Variants in FBXO42 observed in about 807,000 individuals in gnomAD.
FBXO42 encodes the protein F-box only protein 42.
A neutral mutation model predicts 71.7 loss-of-function variants in FBXO42; 12 were observed. That is an observed-to-expected ratio of 0.17 (90% CI 0.11 to 0.27). The LOEUF (loss-of-function observed/expected upper bound fraction) is 0.27, where lower values mean the gene tolerates loss of function less well. FBXO42 is among the 10% of genes least tolerant of loss of function. The pLI, the probability that FBXO42 is intolerant of heterozygous loss-of-function variation, is 1.00. For synonymous variants in FBXO42, 325 were observed against 327.5 expected, an observed-to-expected ratio of 0.99 and a Z score of 0.08; for missense variants, 707 against 911.9, an observed-to-expected ratio of 0.78 and a Z score of 2.89.
chr1:16,315,070 A>T lies in FBXO42; in HGVS notation c.250+99T>A, dbSNP rs190667005. ...TCGTCTAATGCTAGATTTTATAACC[A>T]TAATACATTTAAGGGAGGAAAAAAA... On this transcript the variant is annotated intron_variant, in intron 2 of 9. Transcript: ENST00000375592. The T allele has an allele frequency of 4.9e-5, 65 of 1,320,366 alleles. No homozygotes were observed. In the East Asian group the frequency reaches 1.5e-3, roughly 31 times the overall value. The allele number at this position is 1,320,366 out of a possible 1,614,324, so 81.8% of individuals were successfully genotyped here.
chr1:16,247,598 T>C lies in FBXO42; in HGVS notation c.*3072A>G, dbSNP rs558920240. The C allele has an allele frequency of 6.6e-6, 1 of 152,218 alleles. No homozygotes were observed. The highest frequency in any genetic ancestry group is 1.5e-5 in the Non-Finnish European group (1 of 68,036). The allele number at this position is 152,218 out of a possible 1,614,324, so 9.4% of individuals were successfully genotyped here. A position where few individuals can be genotyped will look rare whatever the true frequency, so the allele number is the denominator to read the frequency against. ...AAGAGTTCCAACACAGTTCCTAGAA[T>C]AGTTCATGGTTTTCAGCTGTTGCTG... On this transcript the variant is annotated 3_prime_UTR_variant, in exon 10 of 10. Coordinates refer to ENST00000375592, the MANE Select transcript of FBXO42 (RefSeq NM_018994.3).
Position 16,338,137 on chromosome 1 carries a change from T to G in FBXO42, c.-18+14118A>C, listed in dbSNP as rs1371224073. Among the ~76,000 whole-genome samples the G allele has an allele frequency of 4.0e-5, 6 of 151,412 alleles. 1 individual carries two copies. Among genetic ancestry groups the G allele is most frequent in the African/African-American group, 1.5e-4 (6 of 41,374 alleles). Reference sequence around the variant, plus strand: ...AGCCAGGTGTGGTGGCAGGCGCCTGTAGTCCCAGCTACTCGGGAGGCTGAG... The same window carrying G: ...AGCCAGGTGTGGTGGCAGGCGCCTGGAGTCCCAGCTACTCGGGAGGCTGAG... On this transcript the variant is annotated intron_variant, in intron 1 of 9. Coordinates refer to ENST00000375592, the MANE Select transcript of FBXO42 (RefSeq NM_018994.3).
intron 2 of FBXO42, among the ~76,000 whole-genome samples, chr1:16,312,662 A>G (rs1294085059): frequency 1.3e-5 from 2 of 152,122 alleles, no homozygotes; most frequent in African/African-American, 4.8e-5. Context: ...TAAACTATGG[A>G]ATTTGGGTTT....
chr1:16,333,887 C>A (rs538132547), intron 1 of FBXO42, among the ~76,000 whole-genome samples: 1 of 152,046 alleles, frequency 6.6e-6, no homozygotes, highest in Admixed American at 6.6e-5. Flanking sequence ...GGGATGGAAT[C>A]CAGAAAACTA....
chr1:16,273,601 C>T lies in FBXO42; in HGVS notation c.503-16842G>A, dbSNP rs368202951. Among the ~76,000 whole-genome samples the T allele has an allele frequency of 2.5e-4, 38 of 151,766 alleles. No individual in the cohort carries two copies. The East Asian group carries it at 7.1e-3, about 29-fold the overall frequency. On this transcript the variant is annotated intron_variant, in intron 4 of 9. Coordinates refer to ENST00000375592, the MANE Select transcript of FBXO42 (RefSeq NM_018994.3). ...AACTTAAAAAAAAAAAAAATGAGGGCCGGGCATGGTGGCTTATGCCTGTAA... is the reference window on the plus strand; with the variant it reads ...AACTTAAAAAAAAAAAAAATGAGGGTCGGGCATGGTGGCTTATGCCTGTAA...
chr1:16,288,446 AAATAAAAAT>A (rs1387376666), intron 4 of FBXO42, among the ~76,000 whole-genome samples: 9 of 143,870 alleles, frequency 6.3e-5, no homozygotes, highest in African/African-American at 1.1e-4. Flanking sequence ...ATAAAAATAA[AAATAAAAAT>A]AATAATAATA....
intron 4 of FBXO42, among the ~76,000 whole-genome samples, chr1:16,260,840 C>T (rs1240487515): frequency 1.3e-5 from 2 of 152,196 alleles, no homozygotes; most frequent in African/African-American, 4.8e-5. Context: ...GCTAGGACTA[C>T]AGTCACAGGC....
chr1:16,308,467 C>G (rs547504391), intron 2 of FBXO42, among the ~76,000 whole-genome samples: 1 of 150,848 alleles, frequency 6.6e-6, no homozygotes, highest in East Asian at 1.9e-4. Context: ...GAATTTCAGC[C>G]TGGGAAACAC....
At chr1:16,271,258 G>GGTGTGTGTGTGT (rs57827739) in intron 4 of FBXO42, among the ~76,000 whole-genome samples, 231 of 137,500 alleles carry the variant, frequency 1.7e-3, no homozygotes, top group South Asian at 2.0e-3. Context: ...TGTGTGTGTT[G>GGTGTGTGTGTGT]GTGTGTGTGT....
chr1:16,315,160 C>T lies in FBXO42; in HGVS notation c.250+9G>A. ...ATCAATAAATAAACCTTTCTCCTAT[C>T]CACAGTACCTTTGATAAGTCGATAC... On this transcript the variant is annotated intron_variant, in intron 2 of 9. Coordinates refer to ENST00000375592, the MANE Select transcript of FBXO42 (RefSeq NM_018994.3). 6.2e-7 allele frequency: 1 copy of T among 1,603,350 alleles called. No individual in the cohort carries two copies. The highest frequency in any genetic ancestry group is 1.3e-5 in the African/African-American group (1 of 74,790).
At chr1:16,349,714 T>G (rs1328844150) in intron 1 of FBXO42, among the ~76,000 whole-genome samples, 1 of 151,950 alleles carries the variant, frequency 6.6e-6, no homozygotes, top group Non-Finnish European at 1.5e-5. Context: ...TACAAAAAAT[T>G]AGCTGGGCAT....
chr1:16,259,003 G>T (rs2081680656), intron 4 of FBXO42, among the ~76,000 whole-genome samples: 2 of 152,158 alleles, frequency 1.3e-5, no homozygotes, highest in Admixed American at 6.5e-5. Context: ...GCCTCCCAAA[G>T]TGCTGGGATT....
Position 16,319,701 on chromosome 1 carries a change from G to A in FBXO42, c.-17-4266C>T, listed in dbSNP as rs528601498. Among the ~76,000 whole-genome samples, 37 of 151,842 alleles carry A rather than the reference G, an allele frequency of 2.4e-4. No homozygotes were observed. In the South Asian group the frequency reaches 5.8e-3, roughly 24 times the overall value. On this transcript the variant is annotated intron_variant, in intron 1 of 9. Coordinates refer to ENST00000375592, the MANE Select transcript of FBXO42 (RefSeq NM_018994.3). The stretch of plus-strand genomic sequence containing the variant: ...GCTTAGGCAGGCGGATCACGAGCTC[G>A]GGAGTTCGAGACCAGCCTGGCCAAT...
chr1:16,311,393 C>T lies in FBXO42; in HGVS notation c.250+3776G>A, dbSNP rs141526675. Among the ~76,000 whole-genome samples the T allele has an allele frequency of 3.6e-3, 537 of 148,952 alleles. 3 individuals are homozygous for T. The highest frequency in any genetic ancestry group is 0.012 in the African/African-American group (505 of 40,478). ...GTCCCAGCCACTTGGGAGGCTGAGG[C>T]GAGAGGATTGCTTGAGTCCAGGAAG... is the stretch of plus-strand genomic sequence containing the variant. On this transcript the variant is annotated intron_variant, in intron 2 of 9. Coordinates refer to ENST00000375592, the MANE Select transcript of FBXO42 (RefSeq NM_018994.3).
rs6693451 is a variant in FBXO42 at position 16,247,887 on chromosome 1, A to C, written c.*2783T>G. On this transcript the variant is annotated 3_prime_UTR_variant, in exon 10 of 10. Transcript: ENST00000375592. Reference sequence around the variant, plus strand: ...GGGTAGGGAGAGACTAAAATTCTTAAGTAAGATGGACAAGGTGACCAGTGA... The same window carrying C: ...GGGTAGGGAGAGACTAAAATTCTTACGTAAGATGGACAAGGTGACCAGTGA... 53,793 of 151,996 alleles carry C rather than the reference A, an allele frequency of 0.35. 10,025 individuals carry two copies. The highest frequency in any genetic ancestry group is 0.42 in the African/African-American group (17,537 of 41,402). 9.4% of individuals were successfully genotyped at this position (151,996 alleles called of 1,614,324 possible).
At chr1:16,303,594 T>C (rs1200158192) in intron 3 of FBXO42, among the ~76,000 whole-genome samples, 1 of 150,066 alleles carries the variant, frequency 6.7e-6, no homozygotes, top group Non-Finnish European at 1.5e-5. Flanking sequence ...TGAGACAGAG[T>C]TTCGCTCTTG....
At position 16,251,685 on chromosome 1, in the gene FBXO42, G is replaced by A; in HGVS notation, c.1139C>T (p.Pro380Leu). 1 of 1,614,222 alleles carries A rather than the reference G, an allele frequency of 6.2e-7. No individual in the cohort carries two copies. The highest frequency in any genetic ancestry group is 8.5e-7 in the Non-Finnish European group (1 of 1,180,046). The change falls in exon 10 of 10, where the codon CCA (proline) becomes CTA (leucine). Residue 380 changes from proline to leucine, a missense_variant. This residue lies in a region of FBXO42 where 482 missense variants were observed against 587.1 expected (regional missense o/e 0.82). Transcript: ENST00000375592. The surrounding 1 kb of genome is among the most constrained non-coding windows in gnomAD (Gnocchi z 4.5). Reference sequence around the variant, plus strand: ...CTCTCGGGTTTCAGGAACGAGAGCTGGAGGAGTGGCACTGATAGGTGATGG... The same window carrying A: ...CTCTCGGGTTTCAGGAACGAGAGCTAGAGGAGTGGCACTGATAGGTGATGG... ...SRPSPISATP[P>L]ALVPETREYR...
At position 16,305,923 on chromosome 1, in the gene FBXO42, A is replaced by C. The variant is rs2082245428; in HGVS notation, c.251-4T>G. 6.2e-7 allele frequency: 1 copy of C among 1,601,004 alleles called. No homozygotes were observed. Among genetic ancestry groups the C allele is most frequent in the Admixed American group, 1.7e-5 (1 of 59,982 alleles). On this transcript the variant is annotated splice_region_variant and splice_polypyrimidine_tract_variant and intron_variant, in intron 2 of 9. Coordinates refer to ENST00000375592, the MANE Select transcript of FBXO42 (RefSeq NM_018994.3). ...TGATAACACTGATGGGCTACACCTA[A>C]GACAGAAAGAGCAAACCCTTCAGTC... is the stretch of plus-strand genomic sequence containing the variant.
rs1469561408 is a variant in FBXO42, at chr1:16,253,357, G to A, written c.865-205C>T. 4 of 600,682 alleles carry A rather than the reference G, an allele frequency of 6.7e-6. No homozygotes were observed. The Admixed American group carries it at 9.7e-5, about 15-fold the overall frequency. The allele number at this position is 600,682 out of a possible 1,614,324, so 37.2% of individuals were successfully genotyped here. A position where few individuals can be genotyped will look rare whatever the true frequency, so the allele number is the denominator to read the frequency against. On this transcript the variant is annotated intron_variant, in intron 7 of 9. Transcript: ENST00000375592. ...ATTCACCTGAAAGGATACATTCTTT[G>A]TTGATCAAATATTAACATGAATGTC... is the stretch of plus-strand genomic sequence containing the variant.
Sources: gnomAD v4.1 joint callset for allele counts (sites outside exome capture counted in the v4.1 genomes callset) on GRCh38, gnomAD v4.1.1 for gene constraint, gnomAD v4.1.1 regional missense constraint, Gnocchi (gnomAD v3.1) non-coding constraint, MANE v1.5 for transcripts, NCBI Gene and HGNC (gene_info 2026-07-23, HGNC 2026-07-21) for gene names.